NDUFS7: variants seen among roughly 807,000 people sequenced by gnomAD.
NDUFS7 encodes the protein NADH:ubiquinone oxidoreductase core subunit S7.
Under a neutral mutation model 31.1 loss-of-function variants are expected in NDUFS7, and 11 were observed. That is an observed-to-expected ratio of 0.35 (90% CI 0.22 to 0.59). The LOEUF (loss-of-function observed/expected upper bound fraction) is 0.59. Among genes scored for constraint, NDUFS7 ranks in the 20% least tolerant of loss-of-function variants. NDUFS7 has a pLI of 0.79. For synonymous variants in NDUFS7, 136 were observed against 127.9 expected (o/e 1.06, Z -0.43); for missense variants, 263 against 324.2 (o/e 0.81, Z 1.45).
At chr19:1,385,683 G>A (rs1388100666) in intron 1 of NDUFS7, among the ~76,000 whole-genome samples, 1 of 152,044 alleles carries the variant, frequency 6.6e-6, no homozygotes, top group African/African-American at 2.4e-5. Context: ...GCTGAGCGTG[G>A]TAGCAGGCGC....
At chr19:1,390,620 T>A (rs2082548248) in intron 4 of NDUFS7, 1 of 585,370 alleles carries the variant, frequency 1.7e-6, no homozygotes, top group Admixed American at 3.0e-5. Flanking sequence ...ATACACTGGG[T>A]TCGAGGAACT....
intron 6 of NDUFS7, chr19:1,392,959 G>A: frequency 1.9e-6 from 1 of 526,256 alleles, no homozygotes; most frequent in Non-Finnish European, 3.5e-6. Context: ...GTTGACACAT[G>A]TGATCTGACA....
In NDUFS7 at chr19:1,393,064, G is replaced by T. The variant is rs1471171273; in HGVS notation, c.456-178G>T. 8 of 628,736 alleles carry T rather than the reference G, an allele frequency of 1.3e-5. No individual in the cohort carries two copies. The highest frequency in any genetic ancestry group is 2.0e-5 in the Non-Finnish European group (7 of 347,428). The allele number at this position is 628,736 out of a possible 1,614,324, so 38.9% of individuals were successfully genotyped here. On this transcript the variant is annotated intron_variant, in intron 6 of 7. Transcript: ENST00000233627. This position sits in a 1 kb window ranked among gnomAD's most constrained non-coding sequence, Gnocchi z 7.3. ...CCACGTGTGAGCTTGCGCCCCACTGGTCCCACAGAGGCTCTGGGAGCCTGT... is the reference window on the plus strand; with the variant it reads ...CCACGTGTGAGCTTGCGCCCCACTGTTCCCACAGAGGCTCTGGGAGCCTGT...
chr19:1,383,945 G>T lies in NDUFS7; in HGVS notation c.16+3G>T. 4 of 1,575,742 alleles carry T rather than the reference G, an allele frequency of 2.5e-6. No individual in the cohort carries two copies. Among genetic ancestry groups the T allele is most frequent in the East Asian group, 4.7e-5 (2 of 42,536 alleles). ...GGCCAAGATGGCGGTGCTGTCAGGT[G>T]AGCGCGGCACCGGCGGCGGGTGTGG... On this transcript the variant is annotated splice_donor_region_variant and intron_variant, in intron 1 of 7. Coordinates refer to ENST00000233627, the MANE Select transcript of NDUFS7 (RefSeq NM_024407.5).
intron 7 of NDUFS7, chr19:1,394,328 G>T: frequency 7.8e-7 from 1 of 1,281,876 alleles, no homozygotes; most frequent in South Asian, 1.2e-5. Context: ...CTGGGGTCAG[G>T]AGCTCTGCCC....
Position 1,393,005 on chromosome 19 carries a change from C to A in NDUFS7, c.456-237C>A. The A allele has an allele frequency of 1.7e-6, 1 of 592,356 alleles. No homozygotes were observed. The highest frequency in any genetic ancestry group is 1.9e-5 in the African/African-American group (1 of 53,884). 36.7% of individuals were successfully genotyped at this position (592,356 alleles called of 1,614,324 possible). On this transcript the variant is annotated intron_variant, in intron 6 of 7. Coordinates refer to ENST00000233627, the MANE Select transcript of NDUFS7 (RefSeq NM_024407.5). The surrounding 1 kb of genome is among the most constrained non-coding windows in gnomAD (Gnocchi z 7.3). ...CCGGGAATCGGTGGTCAGGAGCCCC[C>A]TCGGGAGGGGAGCACTTTTCCCCGA...
At chr19:1,395,233 C>T (rs1250908061) in intron 7 of NDUFS7, 158 bp from the exon 8 acceptor site, 67 of 1,438,832 alleles carry the variant, frequency 4.7e-5, no homozygotes, top group Admixed American at 8.0e-5. Flanking sequence ...TCCCCTGCGC[C>T]GGCTCCCAGT....
intron 1 of NDUFS7, chr19:1,387,094 C>T (rs1444847667): frequency 1.3e-5 from 2 of 154,044 alleles, no homozygotes; most frequent in African/African-American, 4.8e-5. Context: ...GAGGCTGGCT[C>T]CTCTAGGGGT....
chr19:1,394,271 G>C, intron 7 of NDUFS7: 1 of 993,550 alleles, frequency 1.0e-6, no homozygotes, highest in Non-Finnish European at 1.4e-6. Context: ...GCAGTGGAGA[G>C]GGCAGCCTGG....
At position 1,393,575 on chromosome 19, in the gene NDUFS7, G is replaced by T. The variant is rs551468283; in HGVS notation, c.544+245G>T. On this transcript the variant is annotated intron_variant, in intron 7 of 7. Coordinates refer to ENST00000233627, the MANE Select transcript of NDUFS7 (RefSeq NM_024407.5). This position sits in a 1 kb window ranked among gnomAD's most constrained non-coding sequence, Gnocchi z 7.3. The stretch of plus-strand genomic sequence containing the variant: ...AAGCTGAGTGGAATTCCTGACACAC[G>T]CCTGGTTTACAGCAGTTTCATATGG... The T allele has an allele frequency of 1.6e-6, 1 of 640,074 alleles. No individual in the cohort carries two copies. The highest frequency in any genetic ancestry group is 2.7e-5 in the East Asian group (1 of 36,578). 39.6% of individuals were successfully genotyped at this position (640,074 alleles called of 1,614,324 possible).
chr19:1,387,758 G>A, intron 1 of NDUFS7, 53 bp from the exon 2 acceptor site: 1 of 1,584,982 alleles, frequency 6.3e-7, no homozygotes, highest in Non-Finnish European at 8.6e-7. Flanking sequence ...CTGGAGGCCG[G>A]CCCTGCGTGC....
Position 1,393,620 on chromosome 19 carries a change from A to G in NDUFS7, c.544+290A>G. The G allele has an allele frequency of 1.7e-6, 1 of 602,552 alleles. No homozygotes were observed. The highest frequency in any genetic ancestry group is 3.0e-6 in the Non-Finnish European group (1 of 336,566). The allele number at this position is 602,552 out of a possible 1,614,324, so 37.3% of individuals were successfully genotyped here. A position where few individuals can be genotyped will look rare whatever the true frequency, so the allele number is the denominator to read the frequency against. On this transcript the variant is annotated intron_variant, in intron 7 of 7. Transcript: ENST00000233627. The surrounding 1 kb of genome is among the most constrained non-coding windows in gnomAD (Gnocchi z 7.3). The stretch of plus-strand genomic sequence containing the variant: ...ATATGGTCCTACCTGGCACAAACCA[A>G]AGACCTGCAGTTAGAAATACCAAGC...
intron 7 of NDUFS7, chr19:1,394,300 A>G (rs1407729309): frequency 5.0e-6 from 6 of 1,210,332 alleles, no homozygotes; most frequent in East Asian, 5.7e-5. Context: ...GTGACTTGAC[A>G]GCACAGAGAG....
rs3065757 is a variant in NDUFS7 at position 1,395,488 on chromosome 19, G to GCGC, written c.*18_*20dup. 10,582 of 1,575,400 alleles carry GCGC rather than the reference G, an allele frequency of 6.7e-3. 497 individuals are homozygous for GCGC. In the African/African-American group the frequency reaches 0.12, roughly 18 times the overall value. On this transcript the variant is annotated 3_prime_UTR_variant, in exon 8 of 8. Coordinates refer to ENST00000233627, the MANE Select transcript of NDUFS7 (RefSeq NM_024407.5). ...GGCTGCAGATCTGGTACCGCAGGTA[G>GCGC]CGCCGCCGCCGCCGCCGCCGGAGCC...
chr19:1,384,139 C>A (rs1186803357), intron 1 of NDUFS7, 197 bp downstream of exon 1: 13 of 610,086 alleles, frequency 2.1e-5, no homozygotes, highest in Non-Finnish European at 1.8e-5. Flanking sequence ...AGAGTACAGT[C>A]GGGGAAACCG....
chr19:1,388,283 T>G (rs1294624586), intron 2 of NDUFS7: 1 of 603,326 alleles, frequency 1.7e-6, no homozygotes, highest in African/African-American at 1.8e-5. Flanking sequence ...CCGTCCTTGC[T>G]TGGACACTGT....
In NDUFS7 at chr19:1,384,091, C is replaced by T. The variant is rs1026146350; in HGVS notation, c.16+149C>T. 2.0e-5 allele frequency: 17 copies of T among 869,566 alleles called. No individual in the cohort carries two copies. The African/African-American group carries it at 2.7e-4, about 14-fold the overall frequency. The allele number at this position is 869,566 out of a possible 1,614,324, so 53.9% of individuals were successfully genotyped here. On this transcript the variant is annotated intron_variant, in intron 1 of 7. Coordinates refer to ENST00000233627, the MANE Select transcript of NDUFS7 (RefSeq NM_024407.5). ...CGAGCCGGCCGCTCCTCGGGCTCCC[C>T]GCCCGGCTTGCGATGAACGGTCGCC... is the stretch of plus-strand genomic sequence containing the variant.
intron 7 of NDUFS7, chr19:1,394,941 A>G (rs1371243102): frequency 1.5e-4 from 169 of 1,116,882 alleles, no homozygotes; most frequent in Non-Finnish European, 1.8e-4. Flanking sequence ...AAAGAGGGTC[A>G]TCGGGTCCTC....
rs565395922 is a variant in NDUFS7, at chr19:1,388,854, G to T, written c.144G>T (p.Lys48Asn). 2 of 1,604,526 alleles carry T rather than the reference G, an allele frequency of 1.2e-6. No homozygotes were observed. Among genetic ancestry groups the T allele is most frequent in the Non-Finnish European group, 1.7e-6 (2 of 1,176,124 alleles). Residue 48 changes from lysine to asparagine, a missense_variant, in exon 4 of 8, where the codon AAG (lysine) becomes AAT (asparagine). By Grantham distance (94) the Lys-to-Asn change is moderately conservative. Coordinates refer to ENST00000233627, the MANE Select transcript of NDUFS7 (RefSeq NM_024407.5). ...CCAGCACCCAGCCTGCCCTGCCAAA[G>T]GCCAGAGCCGTGGCTCCCAAACCCA... ...GPSSTQPALP[K>N]ARAVAPKPSS... is the part of the protein sequence containing the mutation.
Sources: allele counts gnomAD v4.1 joint callset (sites outside exome capture counted in the v4.1 genomes callset), GRCh38; gene constraint gnomAD v4.1.1; non-coding constraint Gnocchi (gnomAD v3.1); transcripts MANE v1.5; gene names NCBI Gene and HGNC (gene_info 2026-07-23, HGNC 2026-07-21).